The following RBFOX1 variants were observed in gnomAD, a reference collection of about 807,000 sequenced individuals.
RBFOX1 encodes RNA binding fox-1 homolog 1.
RBFOX1 carries 8 observed loss-of-function variants against 57.7 expected under a neutral mutation model. The observed-to-expected ratio is 0.14, with a 90% confidence interval of 0.08 to 0.25. The LOEUF (loss-of-function observed/expected upper bound fraction) is 0.25, where lower values mean the gene tolerates loss of function less well. Ranked by LOEUF, RBFOX1 falls within the 10% of genes least tolerant of loss-of-function variation. RBFOX1 has a pLI of 1.00. For missense variants in RBFOX1, 611 were observed against 548.5 expected (o/e 1.11, Z -1.14); for synonymous variants, 326 against 222.4 (o/e 1.47, Z -4.15).
At chr16:6,052,710 G>T (rs1307458949) in intron 1 of RBFOX1, among the ~76,000 whole-genome samples, 2 of 151,756 alleles carry the variant, frequency 1.3e-5, no homozygotes, top group African/African-American at 2.4e-5. Context: ...CGTGAACCCG[G>T]GAGGCGGAGC....
intron 2 of RBFOX1, among the ~76,000 whole-genome samples, chr16:6,648,817 T>C (rs17140829): frequency 0.057 from 8,745 of 152,240 alleles, 276 homozygotes; most frequent in African/African-American, 0.069. Flanking sequence ...AATCTGGGTA[T>C]TTTTCTTTGC....
At chr16:7,208,804 A>G (rs778901203) in intron 4 of RBFOX1, among the ~76,000 whole-genome samples, 7 of 152,120 alleles carry the variant, frequency 4.6e-5, no homozygotes, top group Non-Finnish European at 8.8e-5. Flanking sequence ...AGCACTTGCA[A>G]TCCAGCCTGG....
intron 3 of RBFOX1, among the ~76,000 whole-genome samples, chr16:6,753,457 G>A (rs1215322092): frequency 6.6e-6 from 1 of 152,146 alleles, no homozygotes; most frequent in Non-Finnish European, 1.5e-5. Context: ...CAGGACCGTA[G>A]TTGCAGGAAG....
chr16:5,305,030 G>A (rs899668290), intron 1 of RBFOX1, among the ~76,000 whole-genome samples: 14 of 152,262 alleles, frequency 9.2e-5, no homozygotes, highest in Admixed American at 7.8e-4. Flanking sequence ...TTCACAGGTA[G>A]GTTTTCATCC....
intron 3 of RBFOX1, among the ~76,000 whole-genome samples, chr16:6,974,260 G>A (rs550541206): frequency 1.3e-5 from 2 of 150,934 alleles, no homozygotes; most frequent in South Asian, 2.1e-4. Flanking sequence ...GAGGCATGTG[G>A]TACAGTTTGA....
At chr16:6,489,260 T>G (rs2095575406) in intron 2 of RBFOX1, among the ~76,000 whole-genome samples, 1 of 152,212 alleles carries the variant, frequency 6.6e-6, no homozygotes, top group African/African-American at 2.4e-5. Flanking sequence ...GGTCCTTCTT[T>G]TCCCTCAGTA....
At chr16:6,976,773 C>T (rs1180887393) in intron 3 of RBFOX1, among the ~76,000 whole-genome samples, 4 of 110,720 alleles carry the variant, frequency 3.6e-5, no homozygotes, top group South Asian at 2.8e-4. Flanking sequence ...TATCGTATGA[C>T]ATATCAATAT....
intron 4 of RBFOX1, among the ~76,000 whole-genome samples, chr16:5,990,429 T>G (rs952606604): frequency 5.3e-5 from 8 of 152,212 alleles, no homozygotes; most frequent in Non-Finnish European, 8.8e-5. Flanking sequence ...TGACCAAACT[T>G]ATTCACATTC....
At chr16:7,343,316 A>C (rs2145410581) in intron 4 of RBFOX1, among the ~76,000 whole-genome samples, 1 of 152,288 alleles carries the variant, frequency 6.6e-6, no homozygotes, top group East Asian at 1.9e-4. Flanking sequence ...ATGTTCCCCC[A>C]AAGCTGCTAT....
intron 5 of RBFOX1, among the ~76,000 whole-genome samples, chr16:7,561,550 C>T (rs769230169): frequency 2.0e-5 from 3 of 152,238 alleles, no homozygotes; most frequent in Non-Finnish European, 4.4e-5. Context: ...TGACAGGATT[C>T]TTTCACTGTC....
At chr16:7,139,229 C>A (rs558952054) in intron 4 of RBFOX1, among the ~76,000 whole-genome samples, 1 of 140,524 alleles carries the variant, frequency 7.1e-6, no homozygotes, top group Non-Finnish European at 1.5e-5. Flanking sequence ...TGTGTGTCTG[C>A]TCCTCCTCTC....
chr16:7,690,078 C>G (rs1381658560), intron 14 of RBFOX1, among the ~76,000 whole-genome samples: 2 of 152,046 alleles, frequency 1.3e-5, no homozygotes, highest in African/African-American at 2.4e-5. Context: ...CCTTGAATCT[C>G]TTGAATCCCT....
intron 3 of RBFOX1, among the ~76,000 whole-genome samples, chr16:6,892,444 T>C (rs1301283893): frequency 6.6e-6 from 1 of 151,996 alleles, no homozygotes; most frequent in Admixed American, 6.6e-5. Flanking sequence ...CCGAAGTGGG[T>C]GGATCCCTTG....
chr16:7,536,751 C>G (rs559676358), intron 5 of RBFOX1, among the ~76,000 whole-genome samples: 1 of 152,300 alleles, frequency 6.6e-6, no homozygotes, highest in South Asian at 2.1e-4. Context: ...ATGTCTCTTT[C>G]CAACAGGACA....
intron 4 of RBFOX1, among the ~76,000 whole-genome samples, chr16:7,371,826 C>CA (rs1198943945): frequency 1.3e-5 from 2 of 152,104 alleles, no homozygotes; most frequent in African/African-American, 2.4e-5. Context: ...CACATACTGA[C>CA]AAAAAAAGCC....
At chr16:7,023,508 C>G (rs59672577) in intron 3 of RBFOX1, among the ~76,000 whole-genome samples, 6,846 of 133,324 alleles carry the variant, frequency 0.051, 595 homozygotes, top group African/African-American at 0.18. Context: ...GGGTGGAGCA[C>G]TTGATGCCAG....
At chr16:5,538,137 G>A (rs1035303618) in intron 2 of RBFOX1, among the ~76,000 whole-genome samples, 9 of 152,202 alleles carry the variant, frequency 5.9e-5, no homozygotes, top group Admixed American at 4.6e-4. Context: ...GGAGACATCG[G>A]TAACTAGAAG....
At chr16:5,984,976 A>ATATATATATTTT (rs1359064334) in intron 4 of RBFOX1, among the ~76,000 whole-genome samples, 1 of 55,714 alleles carries the variant, frequency 1.8e-5, no homozygotes, top group African/African-American at 8.7e-5. Flanking sequence ...ATATATATAT[A>ATATATATATTTT]TTTTTTTTTT....
intron 2 of RBFOX1, among the ~76,000 whole-genome samples, chr16:6,458,153 T>A (rs1446239252): frequency 6.6e-6 from 1 of 152,188 alleles, no homozygotes; most frequent in Non-Finnish European, 1.5e-5. Flanking sequence ...AGTAACTGTG[T>A]GCAAACACGG....
Sources: allele counts gnomAD v4.1 joint callset (sites outside exome capture counted in the v4.1 genomes callset), GRCh38; gene constraint gnomAD v4.1.1; transcripts MANE v1.5; gene names NCBI Gene and HGNC (gene_info 2026-07-23, HGNC 2026-07-21).